The following CSMD1 variants were observed in gnomAD, a reference collection of about 807,000 sequenced individuals.
CSMD1 encodes CUB and Sushi multiple domains 1.
Under a neutral mutation model 417.5 loss-of-function variants are expected in CSMD1, and 213 were observed. That is an observed-to-expected ratio of 0.51 (90% confidence interval 0.46 to 0.57). The LOEUF (loss-of-function observed/expected upper bound fraction) is 0.57, where lower values mean the gene tolerates loss of function less well. CSMD1 is among the 20% of genes least tolerant of loss of function. The pLI is 0.00. For synonymous variants in CSMD1, 2,862 were observed against 1,736.8 expected (o/e 1.65, Z -16.11); for missense variants, 6,923 against 4,529.7 (o/e 1.53, Z -15.17).
At chr8:4,364,506 A>G (rs2128909189) in intron 3 of CSMD1, among the ~76,000 whole-genome samples, 1 of 152,268 alleles carries the variant, frequency 6.6e-6, no homozygotes, top group East Asian at 1.9e-4. Flanking sequence ...AAGACTCTAC[A>G]TTGTCAGTTA....
At chr8:4,440,987 ACT>A (rs960501221) in intron 2 of CSMD1, among the ~76,000 whole-genome samples, 25 of 143,782 alleles carry the variant, frequency 1.7e-4, no homozygotes, top group African/African-American at 4.5e-4. Context: ...ACACAGTGAG[ACT>A]CTATCTCAAA....
intron 1 of CSMD1, among the ~76,000 whole-genome samples, chr8:4,964,050 T>G (rs990241283): frequency 6.6e-6 from 1 of 152,174 alleles, no homozygotes; most frequent in Admixed American, 6.5e-5. Context: ...GATAGCTGGG[T>G]GAATCTGGCA....
In CSMD1 at chr8:3,103,372, C is replaced by G. The variant is rs537669225; in HGVS notation, c.6949+3156G>C. Among the ~76,000 whole-genome samples, 23 of 152,280 alleles carry G rather than the reference C, an allele frequency of 1.5e-4. 1 individual carries two copies. Among genetic ancestry groups the G allele is most frequent in the African/African-American group, 5.3e-4 (22 of 41,554 alleles). On this transcript the variant is annotated intron_variant, in intron 46 of 69. Transcript: ENST00000635120. Reference sequence around the variant, plus strand: ...AACACTTAAACACACCCAGATGGTACAGCCTGCTACACAATTAAGCCATAT... The same window carrying G: ...AACACTTAAACACACCCAGATGGTAGAGCCTGCTACACAATTAAGCCATAT...
intron 1 of CSMD1, among the ~76,000 whole-genome samples, chr8:4,874,363 G>A (rs1802915282): frequency 6.7e-6 from 1 of 150,232 alleles, no homozygotes; most frequent in South Asian, 2.1e-4. Flanking sequence ...AAGGGATGGT[G>A]GAGGAGATCT....
intron 3 of CSMD1, among the ~76,000 whole-genome samples, chr8:4,087,304 G>A (rs780126833): frequency 3.9e-5 from 6 of 152,118 alleles, no homozygotes; most frequent in African/African-American, 1.4e-4. Context: ...CTTCCTGCAG[G>A]TGATTTTCCA....
chr8:4,056,678 C>G lies in CSMD1; in HGVS notation c.416-24579G>C, dbSNP rs910402744. Among the ~76,000 whole-genome samples, 9 of 151,920 alleles carry G rather than the reference C, an allele frequency of 5.9e-5. No individual in the cohort carries two copies. The East Asian group carries it at 1.6e-3, about 26-fold the overall frequency. The stretch of plus-strand genomic sequence containing the variant: ...TTAGGTATATCTCCTCATGCTATCC[C>G]TCCCCACTCCCCCCACCCCACAACA... On this transcript the variant is annotated intron_variant, in intron 3 of 69. Coordinates refer to ENST00000635120, the MANE Select transcript of CSMD1 (RefSeq NM_033225.6).
At chr8:3,018,709 C>G in intron 51 of CSMD1, 59 bp from the exon 52 acceptor site, 2 of 1,455,644 alleles carry the variant, frequency 1.4e-6, no homozygotes. Context: ...CTCCTGTGCT[C>G]CAAACAAACA....
At chr8:4,749,568 C>T (rs1188668987) in intron 1 of CSMD1, among the ~76,000 whole-genome samples, 1 of 152,118 alleles carries the variant, frequency 6.6e-6, no homozygotes, top group Admixed American at 6.5e-5. Context: ...CTTGTTTATT[C>T]AGGAAAATGT....
chr8:3,521,896 T>G (rs1253331735), intron 10 of CSMD1, among the ~76,000 whole-genome samples: 5 of 152,230 alleles, frequency 3.3e-5, no homozygotes, highest in Non-Finnish European at 7.3e-5. Flanking sequence ...TTTTGTGTTG[T>G]CAATAAAAGC....
intron 7 of CSMD1, among the ~76,000 whole-genome samples, chr8:3,677,145 T>C (rs925387368): frequency 1.3e-5 from 2 of 152,032 alleles, no homozygotes; most frequent in African/African-American, 4.8e-5. Flanking sequence ...ATTCTGCACA[T>C]GTAACCCAGA....
chr8:4,020,379 A>G (rs577606834), intron 4 of CSMD1, among the ~76,000 whole-genome samples: 1 of 152,278 alleles, frequency 6.6e-6, no homozygotes, highest in African/African-American at 2.4e-5. Context: ...ATTTCATTTA[A>G]TCCTTAAACT....
chr8:3,967,356 G>C (rs1047810462), intron 5 of CSMD1, among the ~76,000 whole-genome samples: 1 of 151,804 alleles, frequency 6.6e-6, no homozygotes, highest in East Asian at 1.9e-4. Flanking sequence ...CCCTGAACTT[G>C]TAAACATGGA....
chr8:3,668,611 C>A (rs1409882590), intron 7 of CSMD1, among the ~76,000 whole-genome samples: 1 of 151,946 alleles, frequency 6.6e-6, no homozygotes, highest in Non-Finnish European at 1.5e-5. Flanking sequence ...AGAGACGAAG[C>A]CCTGGGGAGA....
intron 5 of CSMD1, among the ~76,000 whole-genome samples, chr8:3,887,836 G>A (rs1184682723): frequency 1.3e-5 from 2 of 152,144 alleles, no homozygotes; most frequent in African/African-American, 4.8e-5. Flanking sequence ...ATCTGTGCAA[G>A]GAAGAAACTA....
chr8:4,420,127 T>A, intron 2 of CSMD1, 62 bp from the exon 3 acceptor site: 1 of 1,174,546 alleles, frequency 8.5e-7, no homozygotes, highest in Non-Finnish European at 1.2e-6. Flanking sequence ...AAAAAGCTTA[T>A]TTGATGAAGT....
chr8:4,661,998 G>A (rs1049112055), intron 1 of CSMD1, among the ~76,000 whole-genome samples: 12 of 152,044 alleles, frequency 7.9e-5, no homozygotes, highest in African/African-American at 2.9e-4. Flanking sequence ...TGCTCTATTA[G>A]CAATGTTTGA....
At chr8:4,330,381 G>C (rs186026666) in intron 3 of CSMD1, among the ~76,000 whole-genome samples, 160 of 152,154 alleles carry the variant, frequency 1.1e-3, no homozygotes, top group African/African-American at 3.6e-3. Context: ...GATCACTTGA[G>C]GTCAGGAGTT....
At chr8:4,471,294 A>T (rs1449403061) in intron 2 of CSMD1, among the ~76,000 whole-genome samples, 1 of 152,210 alleles carries the variant, frequency 6.6e-6, no homozygotes, top group Admixed American at 6.5e-5. Flanking sequence ...AACAAAGTCA[A>T]ACAGGTTGGT....
intron 3 of CSMD1, among the ~76,000 whole-genome samples, chr8:4,326,113 G>A (rs542120131): frequency 6.6e-6 from 1 of 152,118 alleles, no homozygotes; most frequent in African/African-American, 2.4e-5. Flanking sequence ...AGAGCTCAGG[G>A]CCCTACCGTC....
Sources: allele counts gnomAD v4.1 joint callset (sites outside exome capture counted in the v4.1 genomes callset), GRCh38; gene constraint gnomAD v4.1.1; transcripts MANE v1.5; gene names NCBI Gene and HGNC (gene_info 2026-07-23, HGNC 2026-07-21).